Variants in PELO observed in about 807,000 individuals in gnomAD.
PELO encodes the protein protein pelota homolog.
In PELO, 19 loss-of-function variants were observed where a neutral mutation model predicts 25.9. The ratio of observed to expected loss-of-function variants is 0.73; its 90% confidence interval spans 0.51 to 1.08. PELO has a LOEUF of 1.08. Ranked by LOEUF, PELO falls within the 50% of genes least tolerant of loss-of-function variation. The pLI is 0.00. For missense variants in PELO, 498 were observed against 491.4 expected, an observed-to-expected ratio of 1.01 and a Z score of -0.13; for synonymous variants, 196 against 192.2, an observed-to-expected ratio of 1.02 and a Z score of -0.16.
In PELO at chr5:52,800,480, C is replaced by T. The variant is rs757916583; in HGVS notation, c.86C>T (p.Thr29Ile). The change falls in exon 2 of 3, where the codon ACT (threonine) becomes ATT (isoleucine). Residue 29 changes from threonine (T) to isoleucine (I), a missense_variant. By Grantham distance (89) the Thr-to-Ile change is moderately conservative (BLOSUM62 -1). Coordinates refer to ENST00000274311, the MANE Select transcript of PELO (RefSeq NM_015946.5). ...GAGGAGCCTGAGGACATGTGGCACA[C>T]TTACAACCTCGTGCAGGTGGGCGAC... ...VPEEPEDMWH[T>I]YNLVQVGDSL... The T allele has an allele frequency of 1.1e-5, 18 of 1,614,110 alleles. No individual in the cohort carries two copies. Among genetic ancestry groups the T allele is most frequent in the Non-Finnish European group, 8.5e-6 (10 of 1,180,030 alleles).
Position 52,801,808 on chromosome 5 carries a change from C to T in PELO, c.1126C>T (p.Gln376Ter), listed in dbSNP as rs1748494473. 6.2e-7 allele frequency: 1 copy of T among 1,611,822 alleles called. No individual in the cohort carries two copies. ...LRFPVPELSD[Q>*]EGDSSSEED is the part of the protein sequence containing the mutation. ...CTTCCCTGTTCCCGAACTTTCTGACCAAGAGGGTGATTCCAGTTCTGAAGA... is the reference window on the plus strand; with the variant it reads ...CTTCCCTGTTCCCGAACTTTCTGACTAAGAGGGTGATTCCAGTTCTGAAGA... The change falls in exon 3 of 3, where the codon CAA (glutamine) becomes TAA (stop). Residue 376 changes from glutamine to a stop codon, truncating the protein, a stop_gained. Transcript: ENST00000274311. LOFTEE classifies it high-confidence loss of function.
chr5:52,797,475 A>G (rs1435220769), intron 1 of PELO, among the ~76,000 whole-genome samples: 1 of 152,038 alleles, frequency 6.6e-6, no homozygotes, highest in Non-Finnish European at 1.5e-5. Context: ...AAAAAAAAAA[A>G]CTATGTAGAA....
rs765470395 is a variant in PELO, at chr5:52,801,534, G to T, written c.852G>T (p.Met284Ile). ...AAGCCTTGGATGACTTCTATAAAATGTTACAGCATGAACCGGATCGAGCTT... is the reference window on the plus strand; with the variant it reads ...AAGCCTTGGATGACTTCTATAAAATTTTACAGCATGAACCGGATCGAGCTT... The part of the protein sequence containing the change: ...EVKALDDFYK[M>I]LQHEPDRAFY... The change falls in exon 3 of 3, where the codon ATG becomes ATT. Residue 284 changes from methionine (M) to isoleucine (I), a missense_variant. By Grantham distance (10) the Met-to-Ile change is conservative. Transcript: ENST00000274311. 2 of 1,614,182 alleles carry T rather than the reference G, an allele frequency of 1.2e-6. No individual in the cohort carries two copies. The highest frequency in any genetic ancestry group is 1.7e-6 in the Non-Finnish European group (2 of 1,180,006).
At position 52,801,069 on chromosome 5, in the gene PELO, A is replaced by C; in HGVS notation, c.675A>C (p.Ala225=). 1 of 1,612,514 alleles carries C rather than the reference A, an allele frequency of 6.2e-7. No homozygotes were observed. Among genetic ancestry groups the C allele is most frequent in the Non-Finnish European group, 8.5e-7 (1 of 1,179,122 alleles). The change falls in exon 2 of 3, where the codon GCA becomes GCC. Residue 225 remains alanine, a synonymous_variant. Transcript: ENST00000274311. ...EQFCDYLFQQ[A]VKTDNKLLLE... ...TCTGCGACTACCTGTTTCAACAAGC[A>C]GTGAAGACCGACAACAAACTGCTCC...
intron 1 of PELO, 49 bp downstream of exon 1, chr5:52,788,463 C>G: frequency 7.1e-7 from 1 of 1,406,354 alleles, no homozygotes; most frequent in Non-Finnish European, 9.3e-7. Flanking sequence ...GGGCTTGGGG[C>G]TTGGAGCGGG....
Position 52,800,314 on chromosome 5 carries a change from G to A in PELO, c.-81G>A. 6.6e-7 allele frequency: 1 copy of A among 1,517,138 alleles called. No homozygotes were observed. The highest frequency in any genetic ancestry group is 1.2e-5 in the South Asian group (1 of 85,074). 94.0% of individuals were successfully genotyped at this position (1,517,138 alleles called of 1,614,324 possible). A position where few individuals can be genotyped will look rare whatever the true frequency, so the allele number is the denominator to read the frequency against. ...CCGGGCCCCGCCCCCTTCCTGGCCT[G>A]CATTCCCATCCCCTCTCCCGGGGCG... On this transcript the variant is annotated 5_prime_UTR_variant, in exon 2 of 3. Transcript: ENST00000274311.
chr5:52,800,520 C>T lies in PELO; in HGVS notation c.126C>T (p.Ser42=), dbSNP rs745637916. Residue 42 remains serine, a synonymous_variant, in exon 2 of 3, where the codon TCC becomes TCT. Coordinates refer to ENST00000274311, the MANE Select transcript of PELO (RefSeq NM_015946.5). Reference sequence around the variant, plus strand: ...AGGTGGGCGACAGCCTGCGCGCCTCCACCATCCGCAAGGTACAGACAGAGT... The same window carrying T: ...AGGTGGGCGACAGCCTGCGCGCCTCTACCATCCGCAAGGTACAGACAGAGT... ...LVQVGDSLRA[S]TIRKVQTESS... is the part of the protein sequence containing the mutation. 1.1e-5 allele frequency: 18 copies of T among 1,613,984 alleles called. No homozygotes were observed. In the South Asian group the frequency reaches 1.8e-4, roughly 16 times the overall value.
chr5:52,788,092 T>C lies in PELO; in HGVS notation c.-833T>C. 2.4e-6 allele frequency: 1 copy of C among 410,060 alleles called. No individual in the cohort carries two copies. The highest frequency in any genetic ancestry group is 4.3e-6 in the Non-Finnish European group (1 of 230,022). 25.4% of individuals were successfully genotyped at this position (410,060 alleles called of 1,614,324 possible). ...CGGACAGAGCCTGGGAAGCTGCCAGTGAGATTTCAGAGACCAAGAGCGCGA... is the reference window on the plus strand; with the variant it reads ...CGGACAGAGCCTGGGAAGCTGCCAGCGAGATTTCAGAGACCAAGAGCGCGA... On this transcript the variant is annotated 5_prime_UTR_variant, in exon 1 of 3. Coordinates refer to ENST00000274311, the MANE Select transcript of PELO (RefSeq NM_015946.5).
In PELO at chr5:52,788,380, AG is replaced by A; in HGVS notation, c.-541del. The A allele has an allele frequency of 6.6e-7, 1 of 1,512,596 alleles. No individual in the cohort carries two copies. The allele number at this position is 1,512,596 out of a possible 1,614,324, so 93.7% of individuals were successfully genotyped here. A position where few individuals can be genotyped will look rare whatever the true frequency, so the allele number is the denominator to read the frequency against. On this transcript the variant is annotated 5_prime_UTR_variant, in exon 1 of 3. An upstream open reading frame in the 5' UTR gains an earlier in-frame stop. Coordinates refer to ENST00000274311, the MANE Select transcript of PELO (RefSeq NM_015946.5). ...TGGCCCCTCGGCCCCGCGCCCGCCC[AG>A]GGGTCGCTGTCGCCTGCTGCTGGCT... is the stretch of plus-strand genomic sequence containing the variant.
rs868113702 is a variant in PELO at position 52,797,433 on chromosome 5, G to A, written c.-510-2452G>A. ...AGTAGAACATTAGATCTTTCTCTAA[G>A]AGTATGATGATGACCTAGGCTGGAC... is the stretch of plus-strand genomic sequence containing the variant. On this transcript the variant is annotated intron_variant, in intron 1 of 2. Coordinates refer to ENST00000274311, the MANE Select transcript of PELO (RefSeq NM_015946.5). Among the ~76,000 whole-genome samples the A allele has an allele frequency of 5.9e-5, 9 of 151,560 alleles. 2 individuals are homozygous for A. The Middle Eastern group carries it at 0.027, about 458-fold the overall frequency.
Position 52,803,263 on chromosome 5 carries a change from AT to A in PELO, c.*1428del, listed in dbSNP as rs1323581154. On this transcript the variant is annotated 3_prime_UTR_variant, in exon 3 of 3. Coordinates refer to ENST00000274311, the MANE Select transcript of PELO (RefSeq NM_015946.5). ...TATACTTTAAAACTCACATATGTAT[AT>A]TTTTGTACATCTATCTCCTAATTCA... is the stretch of plus-strand genomic sequence containing the variant. The A allele has an allele frequency of 6.6e-6, 1 of 152,140 alleles. No homozygotes were observed. The highest frequency in any genetic ancestry group is 1.5e-5 in the Non-Finnish European group (1 of 68,020). The allele number at this position is 152,140 out of a possible 1,614,324, so 9.4% of individuals were successfully genotyped here. A position where few individuals can be genotyped will look rare whatever the true frequency, so the allele number is the denominator to read the frequency against.
chr5:52,799,525 T>C (rs1000492782), intron 1 of PELO, among the ~76,000 whole-genome samples: 1 of 152,214 alleles, frequency 6.6e-6, no homozygotes, highest in Non-Finnish European at 1.5e-5. Flanking sequence ...ATTCCACACA[T>C]AGTTTCTTCT....
chr5:52,791,937 G>A (rs1748250398), intron 1 of PELO, among the ~76,000 whole-genome samples: 1 of 152,088 alleles, frequency 6.6e-6, no homozygotes, highest in Admixed American at 6.5e-5. Context: ...AAAATAATAT[G>A]CTATATTGGC....
intron 2 of PELO, 94 bp from the exon 3 acceptor site, chr5:52,801,315 G>A: frequency 8.5e-7 from 1 of 1,174,014 alleles, no homozygotes. Context: ...AACATATGAA[G>A]CCTTACTAGC....
intron 1 of PELO, among the ~76,000 whole-genome samples, chr5:52,795,832 T>C (rs1035920296): frequency 2.6e-5 from 4 of 151,966 alleles, no homozygotes; most frequent in Non-Finnish European, 5.9e-5. Flanking sequence ...AATAATCTTA[T>C]TTATCATTTA....
In PELO at chr5:52,788,371, C is replaced by T. The variant is rs996767897; in HGVS notation, c.-554C>T. The T allele has an allele frequency of 1.7e-5, 26 of 1,511,890 alleles. No homozygotes were observed. The highest frequency in any genetic ancestry group is 6.3e-5 in the Admixed American group (3 of 47,662). 93.7% of individuals were successfully genotyped at this position (1,511,890 alleles called of 1,614,324 possible). On this transcript the variant is annotated 5_prime_UTR_variant, in exon 1 of 3. Transcript: ENST00000274311. The stretch of plus-strand genomic sequence containing the variant: ...CTCCGGCCATGGCCCCTCGGCCCCG[C>T]GCCCGCCCAGGGGTCGCTGTCGCCT...
chr5:52,788,245 C>T lies in PELO; in HGVS notation c.-680C>T, dbSNP rs1249079292. On this transcript the variant is annotated 5_prime_UTR_variant, in exon 1 of 3. Transcript: ENST00000274311. The stretch of plus-strand genomic sequence containing the variant: ...GCGCCGCTGCCACTGGGGCAGAGGA[C>T]TGGGAACCGCGGCAGCGGGATAAGT... The T allele has an allele frequency of 1.2e-6, 1 of 844,078 alleles. No homozygotes were observed. Among genetic ancestry groups the T allele is most frequent in the African/African-American group, 1.8e-5 (1 of 55,180 alleles). 52.3% of individuals were successfully genotyped at this position (844,078 alleles called of 1,614,324 possible).
rs1748421640 is a variant in PELO, at chr5:52,799,970, A to G, written c.-425A>G. The G allele has an allele frequency of 4.4e-6, 1 of 227,218 alleles. No homozygotes were observed. Among genetic ancestry groups the G allele is most frequent in the African/African-American group, 2.3e-5 (1 of 42,980 alleles). The allele number at this position is 227,218 out of a possible 1,614,324, so 14.1% of individuals were successfully genotyped here. A position where few individuals can be genotyped will look rare whatever the true frequency, so the allele number is the denominator to read the frequency against. Reference sequence around the variant, plus strand: ...ACCACTCTGTGCACCTTCTTGAGGGAGTTCATTCGTCCGGAGCGCCTCACA... The same window carrying G: ...ACCACTCTGTGCACCTTCTTGAGGGGGTTCATTCGTCCGGAGCGCCTCACA... On this transcript the variant is annotated 5_prime_UTR_variant, in exon 2 of 3. Transcript: ENST00000274311.
rs1748508019 is a variant in PELO at position 52,802,388 on chromosome 5, T to G, written c.*548T>G. On this transcript the variant is annotated 3_prime_UTR_variant, in exon 3 of 3. Coordinates refer to ENST00000274311, the MANE Select transcript of PELO (RefSeq NM_015946.5). ...CAATTAGTAGACTTGAAGACAAGTT[T>G]TAAATATTTTTCTTCAAAGGCTTGT... is the stretch of plus-strand genomic sequence containing the variant. The G allele has an allele frequency of 6.6e-6, 1 of 152,236 alleles. No individual in the cohort carries two copies. Among genetic ancestry groups the G allele is most frequent in the Non-Finnish European group, 1.5e-5 (1 of 68,050 alleles). 9.4% of individuals were successfully genotyped at this position (152,236 alleles called of 1,614,324 possible). A position where few individuals can be genotyped will look rare whatever the true frequency, so the allele number is the denominator to read the frequency against.
Sources: gnomAD v4.1 joint callset for allele counts (sites outside exome capture counted in the v4.1 genomes callset) on GRCh38, gnomAD v4.1.1 for gene constraint, MANE v1.5 for transcripts, NCBI Gene and HGNC (gene_info 2026-07-23, HGNC 2026-07-21) for gene names.